The following RNF24 variants were observed in gnomAD, a reference collection of about 807,000 sequenced individuals.
RNF24 encodes ring finger protein 24.
Under a neutral mutation model 20.0 loss-of-function variants are expected in RNF24, and 14 were observed. That is an observed-to-expected ratio of 0.70 (90% confidence interval 0.46 to 1.10). The LOEUF is 1.10. Among genes scored for constraint, RNF24 ranks in the 50% least tolerant of loss-of-function variants. The probability of loss-of-function intolerance (pLI) is 0.00; values close to 1 mark genes in which losing one functional copy is unlikely to be tolerated. For missense variants in RNF24, 124 were observed against 177.6 expected (o/e 0.70, Z 1.71); for synonymous variants, 45 against 61.1 (o/e 0.74, Z 1.23).
At chr20:3,984,321 G>A (rs951280715) in intron 1 of RNF24, among the ~76,000 whole-genome samples, 2 of 152,028 alleles carry the variant, frequency 1.3e-5, no homozygotes, top group African/African-American at 4.8e-5. Flanking sequence ...GGCCTCTTGT[G>A]AGCTTCGGTT....
rs1029089013 is a variant in RNF24, at chr20:3,927,397, A to G, written c.*6666T>C. On this transcript the variant is annotated 3_prime_UTR_variant, in exon 6 of 6. Transcript: ENST00000358395. ...GGAGTGATTAGCAAAATGCATTAAA[A>G]TTTTAAAATAGCAATTAAATATACA... 6.6e-6 allele frequency: 1 copy of G among 152,242 alleles called. No homozygotes were observed. Among genetic ancestry groups the G allele is most frequent in the Non-Finnish European group, 1.5e-5 (1 of 68,044 alleles). The allele number at this position is 152,242 out of a possible 1,614,324, so 9.4% of individuals were successfully genotyped here.
At chr20:3,969,542 CT>C (rs1163588025) in intron 1 of RNF24, among the ~76,000 whole-genome samples, 2 of 150,846 alleles carry the variant, frequency 1.3e-5, no homozygotes, top group African/African-American at 4.9e-5. Flanking sequence ...CGTGTTCTCT[CT>C]AGCCAAAGGA....
intron 1 of RNF24, among the ~76,000 whole-genome samples, chr20:3,984,244 A>G (rs535634926): frequency 2.2e-4 from 34 of 152,000 alleles, no homozygotes; most frequent in South Asian, 8.3e-4. Flanking sequence ...CTTAAAAAAA[A>G]AAAAGAAAAG....
intron 1 of RNF24, among the ~76,000 whole-genome samples, chr20:3,973,270 C>T (rs1978537089): frequency 6.6e-6 from 1 of 151,604 alleles, no homozygotes; most frequent in Non-Finnish European, 1.5e-5. Flanking sequence ...TAAAGTAGTG[C>T]TGAGTGGGCA....
Position 3,960,228 on chromosome 20 carries a change from A to C in RNF24, c.143+3647T>G, listed in dbSNP as rs182954926. On this transcript the variant is annotated intron_variant, in intron 2 of 5. Transcript: ENST00000358395. ...TGCTGGAGAGCTTAGGTTATCATAAAAAATGAGCTAGGGTAATTCTGGAGG... is the reference window on the plus strand; with the variant it reads ...TGCTGGAGAGCTTAGGTTATCATAACAAATGAGCTAGGGTAATTCTGGAGG... 8.9e-3 allele frequency among the ~76,000 whole-genome samples: 1,350 copies of C among 152,318 alleles called. 8 individuals are homozygous for C. Among genetic ancestry groups the C allele is most frequent in the Non-Finnish European group, 0.013 (904 of 68,022 alleles).
At chr20:3,951,989 C>T (rs1163690443) in intron 2 of RNF24, among the ~76,000 whole-genome samples, 1 of 152,174 alleles carries the variant, frequency 6.6e-6, no homozygotes, top group Non-Finnish European at 1.5e-5. Flanking sequence ...GTATTTAGAA[C>T]TTGAGATCTG....
intron 1 of RNF24, among the ~76,000 whole-genome samples, chr20:3,981,375 T>C (rs2147026851): frequency 6.6e-6 from 1 of 152,320 alleles, no homozygotes; most frequent in East Asian, 1.9e-4. Flanking sequence ...AATTTAAATG[T>C]TTAATCCATC....
rs1299368711 is a variant in RNF24 at position 3,928,359 on chromosome 20, G to T, written c.*5704C>A. The T allele has an allele frequency of 6.6e-6, 1 of 152,202 alleles. No homozygotes were observed. Among genetic ancestry groups the T allele is most frequent in the African/African-American group, 2.4e-5 (1 of 41,444 alleles). The allele number at this position is 152,202 out of a possible 1,614,324, so 9.4% of individuals were successfully genotyped here. A position where few individuals can be genotyped will look rare whatever the true frequency, so the allele number is the denominator to read the frequency against. Reference sequence around the variant, plus strand: ...GAGGTGGGTGTGGACAGAGGCACTGGGCAGCTGCTGGGAAGCGAGGCACAA... The same window carrying T: ...GAGGTGGGTGTGGACAGAGGCACTGTGCAGCTGCTGGGAAGCGAGGCACAA... On this transcript the variant is annotated 3_prime_UTR_variant, in exon 6 of 6. Coordinates refer to ENST00000358395, the MANE Select transcript of RNF24 (RefSeq NM_001134337.3).
At chr20:3,978,227 G>A (rs942920401) in intron 1 of RNF24, among the ~76,000 whole-genome samples, 1 of 151,884 alleles carries the variant, frequency 6.6e-6, no homozygotes, top group African/African-American at 2.4e-5. Flanking sequence ...TAGTAGAGAC[G>A]GGGTTTCGCC....
chr20:3,968,511 T>A (rs2091283102), intron 1 of RNF24, among the ~76,000 whole-genome samples: 1 of 152,090 alleles, frequency 6.6e-6, no homozygotes, highest in African/African-American at 2.4e-5. Context: ...CTAGTTACTC[T>A]GGAGGCTAAG....
chr20:3,956,656 C>A (rs950475791), intron 2 of RNF24, among the ~76,000 whole-genome samples: 3 of 151,840 alleles, frequency 2.0e-5, no homozygotes, highest in Non-Finnish European at 2.9e-5. Context: ...TTGGGTTTAA[C>A]TGGCCTTTTA....
At chr20:3,974,855 T>C (rs1351442872) in intron 1 of RNF24, among the ~76,000 whole-genome samples, 1 of 152,104 alleles carries the variant, frequency 6.6e-6, no homozygotes, top group African/African-American at 2.4e-5. Context: ...AGGTTTAACA[T>C]AATTCCTATA....
chr20:3,977,820 C>A (rs545630696), intron 1 of RNF24, among the ~76,000 whole-genome samples: 4 of 148,098 alleles, frequency 2.7e-5, no homozygotes, highest in Admixed American at 6.8e-5. Context: ...GCAGAGATTG[C>A]GCCACTGCAC....
At chr20:3,987,318 C>T (rs1258241809) in intron 1 of RNF24, among the ~76,000 whole-genome samples, 6 of 152,124 alleles carry the variant, frequency 3.9e-5, no homozygotes, top group Non-Finnish European at 8.8e-5. Flanking sequence ...AAGCAATGAG[C>T]GGTTCCCATC....
intron 4 of RNF24, among the ~76,000 whole-genome samples, chr20:3,942,077 AAAG>A (rs1222316874): frequency 2.6e-5 from 4 of 151,704 alleles, no homozygotes; most frequent in Admixed American, 2.0e-4. Context: ...CTATCTCAAA[AAAG>A]AAAAAAAAAA....
intron 2 of RNF24, among the ~76,000 whole-genome samples, chr20:3,951,080 C>G (rs1263476227): frequency 6.6e-6 from 1 of 152,186 alleles, no homozygotes; most frequent in Non-Finnish European, 1.5e-5. Context: ...CTCAGCCTCC[C>G]AAGTAGCTGG....
intron 1 of RNF24, among the ~76,000 whole-genome samples, chr20:3,987,002 G>C (rs1381212361): frequency 6.6e-6 from 1 of 152,064 alleles, no homozygotes; most frequent in Non-Finnish European, 1.5e-5. Context: ...CAAACTCCTA[G>C]GGTCAAGGGA....
intron 1 of RNF24, among the ~76,000 whole-genome samples, chr20:3,983,727 G>A (rs2147032211): frequency 6.6e-6 from 1 of 151,980 alleles, no homozygotes; most frequent in Admixed American, 6.6e-5. Context: ...GATCACCTGA[G>A]GTCAGATGTT....
intron 2 of RNF24, among the ~76,000 whole-genome samples, chr20:3,962,379 G>T (rs1478377204): frequency 6.6e-6 from 1 of 151,910 alleles, no homozygotes; most frequent in African/African-American, 2.4e-5. Context: ...TAACAATAAA[G>T]AACTCATTGT....
Sources: allele counts gnomAD v4.1 joint callset (sites outside exome capture counted in the v4.1 genomes callset), GRCh38; gene constraint gnomAD v4.1.1; transcripts MANE v1.5; gene names NCBI Gene and HGNC (gene_info 2026-07-23, HGNC 2026-07-21).